Variants in SYN3 observed in about 807,000 individuals in gnomAD.
The protein encoded by SYN3 is synapsin III.
SYN3 carries 35 observed loss-of-function variants against 65.8 expected under a neutral mutation model. The observed-to-expected ratio is 0.53, with a 90% CI of 0.41 to 0.70. The LOEUF (loss-of-function observed/expected upper bound fraction) is 0.70. Among genes scored for constraint, SYN3 ranks in the 30% least tolerant of loss-of-function variants. The pLI, the probability that SYN3 is intolerant of heterozygous loss-of-function variation, is 0.00. For missense variants in SYN3, 680 were observed against 749.0 expected (o/e 0.91, Z 1.08); for synonymous variants, 270 against 292.9 (o/e 0.92, Z 0.80).
At chr22:32,807,395 A>ATATATATTATATAT (rs2046789858) in intron 6 of SYN3, among the ~76,000 whole-genome samples, 2 of 100,150 alleles carry the variant, frequency 2.0e-5, no homozygotes, top group African/African-American at 7.9e-5. Context: ...ATTATATATA[A>ATATATATTATATAT]TATATATATA....
At chr22:32,756,691 C>T (rs2045301066) in intron 6 of SYN3, among the ~76,000 whole-genome samples, 1 of 152,082 alleles carries the variant, frequency 6.6e-6, no homozygotes, top group South Asian at 2.1e-4. Context: ...GTGTGTGGCA[C>T]CTCCCCTGAC....
chr22:32,630,719 C>A (rs914535157), intron 6 of SYN3, among the ~76,000 whole-genome samples: 1 of 152,204 alleles, frequency 6.6e-6, no homozygotes, highest in African/African-American at 2.4e-5. Flanking sequence ...TCCATCTCTG[C>A]GGCAAGTTTC....
At chr22:32,612,953 G>A (rs921605892) in intron 6 of SYN3, among the ~76,000 whole-genome samples, 1 of 152,166 alleles carries the variant, frequency 6.6e-6, no homozygotes, top group Non-Finnish European at 1.5e-5. Context: ...GCAGGTGATC[G>A]GATCATGGGG....
At chr22:32,865,044 A>C (rs1351145599) in intron 5 of SYN3, 40 bp from the exon 6 acceptor site, 1 of 1,536,618 alleles carries the variant, frequency 6.5e-7, no homozygotes. Flanking sequence ...AACTATTGTC[A>C]CCCAGTATAA....
At chr22:32,788,709 C>T (rs181498468) in intron 6 of SYN3, among the ~76,000 whole-genome samples, 50 of 152,208 alleles carry the variant, frequency 3.3e-4, no homozygotes, top group Admixed American at 2.7e-3. Context: ...GATTTGAGCA[C>T]CTGTGAAAGT....
At chr22:32,963,098 A>T (rs2051711662) in intron 3 of SYN3, among the ~76,000 whole-genome samples, 2 of 147,956 alleles carry the variant, frequency 1.4e-5, no homozygotes, top group African/African-American at 2.5e-5. Context: ...TTTTTTTGAG[A>T]CACAGTCTCA....
At chr22:32,724,584 C>T (rs1004100613) in intron 6 of SYN3, among the ~76,000 whole-genome samples, 1 of 152,156 alleles carries the variant, frequency 6.6e-6, no homozygotes, top group African/African-American at 2.4e-5. Context: ...CTATATGAAC[C>T]TCTTCGTATA....
At chr22:32,815,107 C>T (rs1195385531) in intron 6 of SYN3, among the ~76,000 whole-genome samples, 1 of 152,214 alleles carries the variant, frequency 6.6e-6, no homozygotes, top group African/African-American at 2.4e-5. Context: ...CATGTTAATA[C>T]TACAGCACAG....
intron 6 of SYN3, among the ~76,000 whole-genome samples, chr22:32,690,964 A>G (rs1335432150): frequency 2.0e-5 from 3 of 152,196 alleles, no homozygotes; most frequent in African/African-American, 7.2e-5. Context: ...TGAGCCCCAC[A>G]GGATGGGGAG....
At position 32,694,798 on chromosome 22, in the gene SYN3, G is replaced by A. The variant is rs190937417; in HGVS notation, c.712-98062C>T. On this transcript the variant is annotated intron_variant, in intron 6 of 13. Transcript: ENST00000358763. ...GGGGACTAGATTTCATTATCAAGTT[G>A]TCCACCTCCTCTATTGAACTTATGA... Among the ~76,000 whole-genome samples, 15 of 152,298 alleles carry A rather than the reference G, an allele frequency of 9.8e-5. No homozygotes were observed. In the East Asian group the frequency reaches 2.7e-3, roughly 27 times the overall value.
chr22:32,672,368 A>C (rs1487661140), intron 6 of SYN3, among the ~76,000 whole-genome samples: 1 of 152,242 alleles, frequency 6.6e-6, no homozygotes, highest in East Asian at 1.9e-4. Flanking sequence ...AATAAAATTA[A>C]GATGCATGGT....
intron 2 of SYN3, among the ~76,000 whole-genome samples, chr22:32,987,312 C>T (rs2052556981): frequency 6.6e-6 from 1 of 152,130 alleles, no homozygotes; most frequent in Admixed American, 6.5e-5. Flanking sequence ...AAAATGAAGG[C>T]AAAACACTCA....
At chr22:32,518,367 A>G in intron 12 of SYN3, 33 bp from the exon 13 acceptor site, 1 of 1,608,974 alleles carries the variant, frequency 6.2e-7, no homozygotes, top group Non-Finnish European at 8.5e-7. Context: ...GTTCAGTTCA[A>G]TTTTTTTTCT....
intron 4 of SYN3, among the ~76,000 whole-genome samples, chr22:32,897,138 C>T (rs2049615688): frequency 6.6e-6 from 1 of 152,188 alleles, no homozygotes; most frequent in African/African-American, 2.4e-5. Flanking sequence ...ACCCCAGCCA[C>T]CTGCCCTACC....
At chr22:33,023,089 C>T (rs564395109) in intron 1 of SYN3, among the ~76,000 whole-genome samples, 1 of 152,230 alleles carries the variant, frequency 6.6e-6, no homozygotes, top group African/African-American at 2.4e-5. Flanking sequence ...GTGGTTCATG[C>T]CTGTAATCCC....
chr22:32,603,521 C>T (rs1325156905), intron 6 of SYN3, among the ~76,000 whole-genome samples: 1 of 140,458 alleles, frequency 7.1e-6, no homozygotes, highest in Admixed American at 6.9e-5. Context: ...CTCCGAGACT[C>T]CGTCTCAAAA....
At chr22:32,605,213 T>C (rs16990830) in intron 6 of SYN3, among the ~76,000 whole-genome samples, 10,762 of 151,936 alleles carry the variant, frequency 0.071, 762 homozygotes, top group African/African-American at 0.18. Context: ...GGAGAAGTCA[T>C]ATGCGAACAG....
At chr22:32,676,036 T>A (rs1468659490) in intron 6 of SYN3, among the ~76,000 whole-genome samples, 1 of 151,434 alleles carries the variant, frequency 6.6e-6, no homozygotes, top group East Asian at 1.9e-4. Context: ...TCCAGAGCAC[T>A]CTTCCAGCCC....
At chr22:32,687,399 A>C (rs1190734880) in intron 6 of SYN3, among the ~76,000 whole-genome samples, 1 of 151,200 alleles carries the variant, frequency 6.6e-6, no homozygotes, top group African/African-American at 2.4e-5. Context: ...CCTGACCTCA[A>C]GTGATCTGCC....
Sources: allele counts gnomAD v4.1 joint callset (sites outside exome capture counted in the v4.1 genomes callset), GRCh38; gene constraint gnomAD v4.1.1; transcripts MANE v1.5; gene names NCBI Gene and HGNC (gene_info 2026-07-23, HGNC 2026-07-21).